The following MAD1L1 variants were observed in gnomAD, a reference collection of about 807,000 sequenced individuals.
MAD1L1 encodes mitotic spindle assembly checkpoint protein MAD1.
A neutral mutation model predicts 96.9 loss-of-function variants in MAD1L1; 95 were observed. The observed-to-expected ratio is 0.98, with a 90% CI of 0.83 to 1.16. The LOEUF is 1.16. MAD1L1 is among the 50% of genes most tolerant of loss of function. The pLI is 0.00. For synonymous variants in MAD1L1, 473 were observed against 396.6 expected (o/e 1.19, Z -2.29); for missense variants, 1,007 against 954.4 (o/e 1.06, Z -0.73).
chr7:2,192,631 C>T (rs933509038), intron 10 of MAD1L1, among the ~76,000 whole-genome samples: 2 of 152,182 alleles, frequency 1.3e-5, no homozygotes, highest in African/African-American at 4.8e-5. Flanking sequence ...TGATTCTCCA[C>T]AGAGTAAAGT....
At chr7:2,161,778 G>C (rs1002909953) in intron 10 of MAD1L1, among the ~76,000 whole-genome samples, 3 of 149,876 alleles carry the variant, frequency 2.0e-5, no homozygotes, top group Admixed American at 6.6e-5. Flanking sequence ...GAACTGAGGA[G>C]TGCCTCTGCC....
chr7:1,913,368 G>A (rs1188784411), intron 17 of MAD1L1, among the ~76,000 whole-genome samples: 4 of 152,140 alleles, frequency 2.6e-5, no homozygotes, highest in South Asian at 2.1e-4. Flanking sequence ...CTGGGGTGGC[G>A]TGGGGTGGGG....
At chr7:2,093,865 G>A (rs2128546675) in intron 11 of MAD1L1, among the ~76,000 whole-genome samples, 1 of 152,312 alleles carries the variant, frequency 6.6e-6, no homozygotes, top group South Asian at 2.1e-4. Flanking sequence ...GACAAGGAGA[G>A]GCTCCATCAG....
rs1298355598 is a variant in MAD1L1, at chr7:1,912,710, G to A, written c.1808-14320C>T. 5.3e-5 allele frequency among the ~76,000 whole-genome samples: 8 copies of A among 152,160 alleles called. No individual in the cohort carries two copies. In the East Asian group the frequency reaches 7.7e-4, roughly 15 times the overall value. On this transcript the variant is annotated intron_variant, in intron 17 of 18. Coordinates refer to ENST00000265854, the MANE Select transcript of MAD1L1 (RefSeq NM_001013836.2). ...CCCCTGTGCAGGCAGGGAGCCCACC[G>A]CGCACGCACCTCCCAGAGCCAGAAA...
chr7:2,231,909 G>A (rs1794211427), intron 1 of MAD1L1, among the ~76,000 whole-genome samples: 2 of 152,150 alleles, frequency 1.3e-5, no homozygotes, highest in Non-Finnish European at 2.9e-5. Context: ...TCCACCGCTA[G>A]ATGATGGGAA....
intron 16 of MAD1L1, among the ~76,000 whole-genome samples, chr7:1,955,615 G>A (rs768444486): frequency 6.6e-6 from 1 of 152,288 alleles, no homozygotes; most frequent in African/African-American, 2.4e-5. Flanking sequence ...CAATGGTCTT[G>A]CAAGATTAGG....
chr7:1,929,073 C>A, intron 17 of MAD1L1, among the ~76,000 whole-genome samples: 1 of 152,340 alleles, frequency 6.6e-6, no homozygotes, highest in Non-Finnish European at 1.5e-5. Context: ...GGCCTCCCCT[C>A]GAGGGCACCC....
intron 17 of MAD1L1, among the ~76,000 whole-genome samples, chr7:1,908,774 C>T (rs1787831494): frequency 6.6e-6 from 1 of 152,148 alleles, no homozygotes; most frequent in African/African-American, 2.4e-5. Flanking sequence ...TCTCACTCCC[C>T]GGAAGTAGCA....
chr7:1,899,923 C>T (rs1432664539), intron 17 of MAD1L1, among the ~76,000 whole-genome samples: 4 of 152,222 alleles, frequency 2.6e-5, no homozygotes, highest in African/African-American at 7.2e-5. Flanking sequence ...GGAGGGGCCG[C>T]GGTTTCAGCT....
At chr7:2,203,463 A>G (rs1792422699) in intron 10 of MAD1L1, among the ~76,000 whole-genome samples, 1 of 152,244 alleles carries the variant, frequency 6.6e-6, no homozygotes, top group African/African-American at 2.4e-5. Flanking sequence ...GTGTGGCACC[A>G]GCTAGGAGTC....
intron 11 of MAD1L1, among the ~76,000 whole-genome samples, chr7:2,086,047 C>T (rs919748835): frequency 6.6e-6 from 1 of 152,174 alleles, no homozygotes; most frequent in African/African-American, 2.4e-5. Context: ...CCCAGGAATC[C>T]CACCCTGCCC....
intron 12 of MAD1L1, among the ~76,000 whole-genome samples, chr7:2,023,698 C>T (rs1395805741): frequency 6.6e-6 from 1 of 152,222 alleles, no homozygotes; most frequent in Non-Finnish European, 1.5e-5. Context: ...CCTGTTATCC[C>T]AGCACTTTGG....
At chr7:2,165,698 C>T (rs1021291837) in intron 10 of MAD1L1, among the ~76,000 whole-genome samples, 1 of 127,718 alleles carries the variant, frequency 7.8e-6, no homozygotes, top group Non-Finnish European at 1.7e-5. Context: ...AGGGGTGGGA[C>T]AAGTGGGTGC....
intron 11 of MAD1L1, among the ~76,000 whole-genome samples, chr7:2,101,328 C>T (rs1786773140): frequency 7.0e-6 from 1 of 143,682 alleles, no homozygotes; most frequent in Non-Finnish European, 1.5e-5. Context: ...GAGACTGGGG[C>T]TCCACTCCTA....
chr7:2,166,312 TGAA>T (rs1790424866), intron 10 of MAD1L1, among the ~76,000 whole-genome samples: 1 of 152,132 alleles, frequency 6.6e-6, no homozygotes, highest in Admixed American at 6.5e-5. Context: ...GTAAATAAAA[TGAA>T]GAAATGCCGG....
chr7:2,097,178 C>T (rs1355718436), intron 11 of MAD1L1, among the ~76,000 whole-genome samples: 1 of 151,866 alleles, frequency 6.6e-6, no homozygotes, highest in Non-Finnish European at 1.5e-5. Flanking sequence ...CCACGCCCCA[C>T]CCCACGGCGC....
chr7:1,978,890 G>A (rs1780767869), intron 15 of MAD1L1, among the ~76,000 whole-genome samples: 1 of 152,220 alleles, frequency 6.6e-6, no homozygotes. Context: ...TTGAACGGCT[G>A]AGCAGATGTA....
At chr7:1,964,433 T>C (rs1780076737) in intron 15 of MAD1L1, among the ~76,000 whole-genome samples, 1 of 152,240 alleles carries the variant, frequency 6.6e-6, no homozygotes, top group Non-Finnish European at 1.5e-5. Context: ...CGGGCTCATT[T>C]GTGCACCGAA....
chr7:1,917,274 C>G (rs1788469456), intron 17 of MAD1L1, among the ~76,000 whole-genome samples: 1 of 152,158 alleles, frequency 6.6e-6, no homozygotes, highest in African/African-American at 2.4e-5. Context: ...CGCTCGGCTG[C>G]CCACCTAGCA....
Sources: allele counts gnomAD v4.1 joint callset (sites outside exome capture counted in the v4.1 genomes callset), GRCh38; gene constraint gnomAD v4.1.1; transcripts MANE v1.5; gene names NCBI Gene and HGNC (gene_info 2026-07-23, HGNC 2026-07-21).